The following PCDHGA1 variants were observed in gnomAD, a reference collection of about 807,000 sequenced individuals.
PCDHGA1 encodes protocadherin gamma subfamily A, 1, also known as protocadherin gamma-A1.
In PCDHGA1, 32 loss-of-function variants were observed where a neutral mutation model predicts 58.0. The ratio of observed to expected loss-of-function variants is 0.55; its 90% CI spans 0.42 to 0.74. The LOEUF is 0.74. PCDHGA1 is among the 30% of genes least tolerant of loss of function. The pLI is 0.00. For synonymous variants in PCDHGA1, 498 were observed against 501.1 expected (o/e 0.99, Z 0.08); for missense variants, 1,205 against 1,182.3 (o/e 1.02, Z -0.28).
intron 1 of PCDHGA1, chr5:141,341,774 CCT>C: frequency 5.7e-6 from 2 of 353,772 alleles, no homozygotes; most frequent in Non-Finnish European, 5.1e-6. Flanking sequence ...TTACTCAAGT[CCT>C]TTCTTCTTTT....
chr5:141,429,896 A>G (rs1307950556), intron 1 of PCDHGA1, among the ~76,000 whole-genome samples: 1 of 152,346 alleles, frequency 6.6e-6, no homozygotes, highest in South Asian at 2.1e-4. Flanking sequence ...TGAACAATAA[A>G]TATTTTTGAA....
intron 1 of PCDHGA1, among the ~76,000 whole-genome samples, chr5:141,455,749 C>A (rs2098830563): frequency 6.6e-6 from 1 of 152,086 alleles, no homozygotes; most frequent in Non-Finnish European, 1.5e-5. Context: ...AGGTTGCTGG[C>A]CTGGCTCCTA....
At chr5:141,381,782 A>G (rs940671211) in intron 1 of PCDHGA1, among the ~76,000 whole-genome samples, 1 of 150,898 alleles carries the variant, frequency 6.6e-6, no homozygotes, top group African/African-American at 2.5e-5. Context: ...AATCAGGAAC[A>G]AGGCAAGGCA....
chr5:141,394,447 A>T, intron 1 of PCDHGA1: 1 of 1,614,248 alleles, frequency 6.2e-7, no homozygotes, highest in Non-Finnish European at 8.5e-7. Flanking sequence ...CTCAGCAGCA[A>T]CATGTCACTG....
intron 1 of PCDHGA1, chr5:141,389,322 G>A: frequency 6.2e-7 from 1 of 1,613,984 alleles, no homozygotes; most frequent in East Asian, 2.2e-5. Flanking sequence ...TCCGGACTTG[G>A]GGCCCAACGG....
chr5:141,359,411 G>A (rs1467965013), intron 1 of PCDHGA1, among the ~76,000 whole-genome samples: 1 of 151,822 alleles, frequency 6.6e-6, no homozygotes, highest in Non-Finnish European at 1.5e-5. Flanking sequence ...TTTAAAAAAT[G>A]TGTTTTTGTT....
At chr5:141,446,263 C>T (rs2098496356) in intron 1 of PCDHGA1, among the ~76,000 whole-genome samples, 1 of 152,010 alleles carries the variant, frequency 6.6e-6, no homozygotes, top group East Asian at 1.9e-4. Flanking sequence ...ATATTATTAA[C>T]TGAATAAATA....
rs1163353349 is a variant in PCDHGA1, at chr5:141,489,426, G to C, written c.2422-5381G>C. 6.2e-7 allele frequency: 1 copy of C among 1,614,012 alleles called. No homozygotes were observed. The highest frequency in any genetic ancestry group is 1.3e-5 in the African/African-American group (1 of 74,922). ...TAAAGATGACAGATCTGTTGAGCCGGCGGCTGCAATTGGGCTCTGAGGAGA... is the reference window on the plus strand; with the variant it reads ...TAAAGATGACAGATCTGTTGAGCCGCCGGCTGCAATTGGGCTCTGAGGAGA... On this transcript the variant is annotated intron_variant, in intron 1 of 3. Transcript: ENST00000517417. The surrounding 1 kb of genome is among the most constrained non-coding windows in gnomAD (Gnocchi z 4.5).
In PCDHGA1 at chr5:141,386,663, G is replaced by T. The variant is rs532080624; in HGVS notation, c.2421+53558G>T. On this transcript the variant is annotated intron_variant, in intron 1 of 3. Transcript: ENST00000517417. ...GGATACATTTTACAAGTTCTGCAGT[G>T]TTCACATTTCAGATGTACAATCACT... Among the ~76,000 whole-genome samples, 44 of 152,044 alleles carry T rather than the reference G, an allele frequency of 2.9e-4. No homozygotes were observed. In the South Asian group the frequency reaches 5.4e-3, roughly 19 times the overall value.
intron 1 of PCDHGA1, among the ~76,000 whole-genome samples, chr5:141,453,293 T>TTATG: frequency 6.6e-6 from 1 of 151,872 alleles, no homozygotes; most frequent in Non-Finnish European, 1.5e-5. Flanking sequence ...TTTTAATTAT[T>TTATG]TATTTATTTA....
chr5:141,461,423 C>T lies in PCDHGA1; in HGVS notation c.2422-33384C>T, dbSNP rs1005977255. 3.9e-5 allele frequency among the ~76,000 whole-genome samples: 6 copies of T among 151,938 alleles called. No individual in the cohort carries two copies. In the South Asian group the frequency reaches 6.2e-4, roughly 16 times the overall value. On this transcript the variant is annotated intron_variant, in intron 1 of 3. Coordinates refer to ENST00000517417, the MANE Select transcript of PCDHGA1 (RefSeq NM_018912.3). ...AGCATTTTTTCATATGTTTGTGGGC[C>T]ATTTGTATACCTTCTTTTGAGAAAT... is the stretch of plus-strand genomic sequence containing the variant.
At chr5:141,467,059 T>C (rs1157689140) in intron 1 of PCDHGA1, among the ~76,000 whole-genome samples, 2 of 151,064 alleles carry the variant, frequency 1.3e-5, no homozygotes, top group African/African-American at 2.4e-5. Context: ...TGTTTTCTTT[T>C]TTTTTTTTTT....
At position 141,331,738 on chromosome 5, in the gene PCDHGA1, G is replaced by C; in HGVS notation, c.1054G>C (p.Val352Leu). The C allele has an allele frequency of 5.6e-6, 9 of 1,614,102 alleles. No homozygotes were observed. Among genetic ancestry groups the C allele is most frequent in the Non-Finnish European group, 7.6e-6 (9 of 1,180,018 alleles). ...DNAPEVTITS[V>L]TTAVPENFPP... ...TGCCCCAGAAGTGACCATCACCTCT[G>C]TCACCACTGCAGTTCCAGAAAACTT... Residue 352 changes from valine to leucine, a missense_variant, in exon 1 of 4, where the codon GTC (valine) becomes CTC (leucine). Transcript: ENST00000517417.
At chr5:141,501,883 G>A (rs1204174131) in intron 2 of PCDHGA1, among the ~76,000 whole-genome samples, 1 of 152,022 alleles carries the variant, frequency 6.6e-6, no homozygotes, top group African/African-American at 2.4e-5. Flanking sequence ...TTACACTCCT[G>A]ATCATCATGG....
chr5:141,439,289 T>C (rs1454088176), intron 1 of PCDHGA1, among the ~76,000 whole-genome samples: 1 of 151,850 alleles, frequency 6.6e-6, no homozygotes, highest in African/African-American at 2.4e-5. Flanking sequence ...CTGTGTTCCA[T>C]GGAAAAAGTA....
chr5:141,468,939 G>A (rs2099186103), intron 1 of PCDHGA1, among the ~76,000 whole-genome samples: 1 of 144,350 alleles, frequency 6.9e-6, no homozygotes, highest in Non-Finnish European at 1.5e-5. Context: ...ATGGGAGATG[G>A]GGTAAACCTG....
At chr5:141,338,851 A>T (rs191787265) in intron 1 of PCDHGA1, 2 of 1,421,556 alleles carry the variant, frequency 1.4e-6, no homozygotes, top group East Asian at 5.1e-5. Context: ...ACAGCCCACC[A>T]GTTCTCTCCA....
intron 1 of PCDHGA1, chr5:141,404,287 C>T: frequency 6.2e-7 from 1 of 1,613,976 alleles, no homozygotes; most frequent in Non-Finnish European, 8.5e-7. Context: ...TGACTGACAT[C>T]AATGATAATC....
chr5:141,404,908 C>T, intron 1 of PCDHGA1: 1 of 1,613,882 alleles, frequency 6.2e-7, no homozygotes, highest in Non-Finnish European at 8.5e-7. Context: ...ATGGCCAGCC[C>T]CCTCTCTCGG....
Sources: gnomAD v4.1 joint callset for allele counts (sites outside exome capture counted in the v4.1 genomes callset) on GRCh38, gnomAD v4.1.1 for gene constraint, Gnocchi (gnomAD v3.1) non-coding constraint, MANE v1.5 for transcripts, NCBI Gene and HGNC (gene_info 2026-07-23, HGNC 2026-07-21) for gene names.